The following C12orf42 variants were observed in gnomAD, a reference collection of about 807,000 sequenced individuals.
The protein encoded by C12orf42 is chromosome 12 open reading frame 42, also known as uncharacterized protein C12orf42.
Under a neutral mutation model 21.6 loss-of-function variants are expected in C12orf42, and 25 were observed. The ratio of observed to expected loss-of-function variants is 1.16; its 90% confidence interval spans 0.84 to 1.62. The LOEUF is 1.62. Ranked by LOEUF, C12orf42 falls within the 40% of genes most tolerant of loss-of-function variation. The pLI is 0.00. For missense variants in C12orf42, 483 were observed against 459.3 expected (o/e 1.05, Z -0.47); for synonymous variants, 174 against 175.0 (o/e 0.99, Z 0.05).
chr12:103,088,321 GGAGGAATA>G, the C12orf42 span, among the ~76,000 whole-genome samples: 1 of 152,198 alleles, frequency 6.6e-6, no homozygotes, highest in Non-Finnish European at 1.5e-5. Flanking sequence ...TTTGTTGAAA[GGAGGAATA>G]GATGACTAAA....
At chr12:103,471,053 G>C (rs1341375556) in intron 2 of C12orf42, among the ~76,000 whole-genome samples, 1 of 152,040 alleles carries the variant, frequency 6.6e-6, no homozygotes, top group African/African-American at 2.4e-5. Flanking sequence ...CTGTGTTCTG[G>C]GGCATTTGTT....
In C12orf42 at chr12:103,335,527, C is replaced by T. The variant is rs111918309; in HGVS notation, c.260-29182G>A. Among the ~76,000 whole-genome samples the T allele has an allele frequency of 2.1e-3, 320 of 152,232 alleles. 1 individual carries two copies. Among genetic ancestry groups the T allele is most frequent in the Admixed American group, 3.5e-3 (53 of 15,284 alleles). On this transcript the variant is annotated intron_variant, in intron 4 of 5. Transcript: ENST00000548883. ...ATACCTAAGTTTGCATCTATTTTTG[C>T]GTTTTCTGGAATCAGGCAACACTGA...
At chr12:103,244,444 T>A (rs1464141569) in intron 10 of C12orf42, among the ~76,000 whole-genome samples, 1 of 151,792 alleles carries the variant, frequency 6.6e-6, no homozygotes, top group Admixed American at 6.6e-5. Context: ...CTCCATGTAC[T>A]AGAGGAATCT....
In C12orf42 at chr12:103,474,441, C is replaced by CATGT. The variant is rs145268587; in HGVS notation, c.78+3904_78+3907dup. Among the ~76,000 whole-genome samples, 1,122 of 144,274 alleles carry CATGT rather than the reference C, an allele frequency of 7.8e-3. 22 individuals carry two copies. Among genetic ancestry groups the CATGT allele is most frequent in the African/African-American group, 0.026 (965 of 37,322 alleles). The allele number at this position is 144,274 out of a possible 152,430, so 94.6% of individuals were successfully genotyped here. Reference sequence around the variant, plus strand: ...CTATGTATGCCTGTATGTATGTATACATGTATGTATGTATGTGTGTGTGTG... The same window carrying CATGT: ...CTATGTATGCCTGTATGTATGTATACATGTATGTATGTATGTATGTGTGTGTGTG... On this transcript the variant is annotated intron_variant, in intron 2 of 5. Coordinates refer to ENST00000548883, the MANE Select transcript of C12orf42 (RefSeq NM_198521.5).
chr12:103,505,061 A>G, the C12orf42 span: 1 of 327,204 alleles, frequency 3.1e-6, no homozygotes, highest in South Asian at 3.2e-5. Flanking sequence ...AGTGAGAGAC[A>G]CTGATTTTTA....
intron 4 of C12orf42, among the ~76,000 whole-genome samples, chr12:103,282,513 A>T (rs2036200774): frequency 6.6e-6 from 1 of 152,218 alleles, no homozygotes. Flanking sequence ...AGCCAGGAGC[A>T]ATAGGATATA....
At chr12:103,210,956 G>T in the C12orf42 span, among the ~76,000 whole-genome samples, 1 of 152,182 alleles carries the variant, frequency 6.6e-6, no homozygotes, top group African/African-American at 2.4e-5. Context: ...ACCACATCCA[G>T]CCCGGATGAC....
chr12:103,356,634 C>A (rs993958809), intron 4 of C12orf42, among the ~76,000 whole-genome samples: 7 of 151,608 alleles, frequency 4.6e-5, no homozygotes, highest in Non-Finnish European at 1.0e-4. Context: ...AGTTTACAGT[C>A]CCACCAACAG....
chr12:103,461,457 A>G (rs1952692193), intron 2 of C12orf42, among the ~76,000 whole-genome samples: 1 of 152,214 alleles, frequency 6.6e-6, no homozygotes, highest in Non-Finnish European at 1.5e-5. Context: ...AGAAAAAAAA[A>G]TGTACATAGA....
At chr12:103,105,273 C>A in the C12orf42 span, among the ~76,000 whole-genome samples, 1 of 152,076 alleles carries the variant, frequency 6.6e-6, no homozygotes, top group Non-Finnish European at 1.5e-5. Context: ...AGTACCCCCA[C>A]AATTTCAGAT....
intron 2 of C12orf42, among the ~76,000 whole-genome samples, chr12:103,459,076 A>C (rs74876212): frequency 1.8e-4 from 28 of 152,124 alleles, no homozygotes; most frequent in Non-Finnish European, 3.1e-4. Context: ...CTAGACTGGC[A>C]TGCAGTCTAA....
chr12:103,543,209 C>T, the C12orf42 span, among the ~76,000 whole-genome samples: 2 of 152,162 alleles, frequency 1.3e-5, no homozygotes, highest in Non-Finnish European at 2.9e-5. Flanking sequence ...AACAGAAATG[C>T]ATAGCTGGAG....
the C12orf42 span, among the ~76,000 whole-genome samples, chr12:103,540,713 AT>A: frequency 6.6e-6 from 1 of 151,980 alleles, no homozygotes; most frequent in African/African-American, 2.4e-5. Flanking sequence ...ATGTGACTGT[AT>A]TTTTTTAAAC....
In C12orf42 at chr12:103,302,060, A is replaced by G. The variant is rs1392028324; in HGVS notation, c.*48T>C. The G allele has an allele frequency of 6.4e-7, 1 of 1,562,152 alleles. No homozygotes were observed. The highest frequency in any genetic ancestry group is 1.4e-5 in the African/African-American group (1 of 73,746). ...GCCCTTTCTGTTGTTCTGAGCAGGC[A>G]TTGATTTGAAGATGGGCAGCACTCG... is the stretch of plus-strand genomic sequence containing the variant. On this transcript the variant is annotated 3_prime_UTR_variant, in exon 6 of 6. Coordinates refer to ENST00000548883, the MANE Select transcript of C12orf42 (RefSeq NM_198521.5).
At chr12:103,268,099 T>G (rs185175373), downstream of C12orf42, 23 of 152,252 alleles carry the variant, frequency 1.5e-4, no homozygotes, top group African/African-American at 5.3e-4. Context: ...GAATTGGAAG[T>G]TCTAGCCTGG....
At chr12:103,112,075 A>G in the C12orf42 span, among the ~76,000 whole-genome samples, 2 of 152,192 alleles carry the variant, frequency 1.3e-5, no homozygotes, top group African/African-American at 4.8e-5. Context: ...CTTTATAAAT[A>G]ATGCCCAACT....
chr12:103,527,390 G>A, the C12orf42 span, among the ~76,000 whole-genome samples: 1 of 152,126 alleles, frequency 6.6e-6, no homozygotes, highest in Non-Finnish European at 1.5e-5. Flanking sequence ...TGTTGGCGGT[G>A]GGGCCTAATG....
chr12:103,485,128 C>T (rs1954747375), intron 1 of C12orf42, among the ~76,000 whole-genome samples: 1 of 152,144 alleles, frequency 6.6e-6, no homozygotes, highest in Non-Finnish European at 1.5e-5. Context: ...CTCGGCCTCC[C>T]AAAGTGCTGG....
the C12orf42 span, among the ~76,000 whole-genome samples, chr12:103,083,454 A>G: frequency 6.6e-6 from 1 of 152,202 alleles, no homozygotes; most frequent in African/African-American, 2.4e-5. Context: ...CATTAACCAT[A>G]CAAACTAGAA....
Sources: gnomAD v4.1 joint callset for allele counts (sites outside exome capture counted in the v4.1 genomes callset) on GRCh38, gnomAD v4.1.1 for gene constraint, MANE v1.5 for transcripts, NCBI Gene and HGNC (gene_info 2026-07-23, HGNC 2026-07-21) for gene names.